Variants in COL27A1 observed in about 807,000 individuals in gnomAD.
COL27A1 encodes the protein collagen type XXVII alpha 1 chain, also known as collagen alpha-1(XXVII) chain.
A neutral mutation model predicts 251.3 loss-of-function variants in COL27A1; 106 were observed. The observed-to-expected ratio is 0.42, with a 90% CI of 0.36 to 0.50. The LOEUF is 0.50. Among genes scored for constraint, COL27A1 ranks in the 20% least tolerant of loss-of-function variants. The probability of loss-of-function intolerance (pLI) is 0.00; values close to 1 mark genes in which losing one functional copy is unlikely to be tolerated. For missense variants in COL27A1, 2,325 were observed against 2,522.8 expected (o/e 0.92, Z 1.68); for synonymous variants, 1,000 against 986.3 (o/e 1.01, Z -0.26).
At position 114,193,262 on chromosome 9, in the gene COL27A1, T is replaced by C. The variant is rs538404753; in HGVS notation, c.2017-1142T>C. ...TTCCACAGGGCTGTTTCCTGAGTCATCTGATCAGGTTTGGCCAAAGGAGAG... is the reference window on the plus strand; with the variant it reads ...TTCCACAGGGCTGTTTCCTGAGTCACCTGATCAGGTTTGGCCAAAGGAGAG... On this transcript the variant is annotated intron_variant, in intron 5 of 60. Coordinates refer to ENST00000356083, the MANE Select transcript of COL27A1 (RefSeq NM_032888.4). Among the ~76,000 whole-genome samples, 5 of 152,250 alleles carry C rather than the reference T, an allele frequency of 3.3e-5. No individual in the cohort carries two copies. The South Asian group carries it at 1.0e-3, about 32-fold the overall frequency.
At chr9:114,208,164 G>A (rs899795161) in intron 10 of COL27A1, among the ~76,000 whole-genome samples, 34 of 151,696 alleles carry the variant, frequency 2.2e-4, no homozygotes, top group East Asian at 3.9e-4. Context: ...AGGGCTGGGC[G>A]CGGTGGCTCG....
chr9:114,174,240 A>T (rs993936932), intron 3 of COL27A1, among the ~76,000 whole-genome samples: 2 of 151,972 alleles, frequency 1.3e-5, no homozygotes, highest in Non-Finnish European at 2.9e-5. Context: ...CACTGGGGAG[A>T]GTTAAAGGAA....
At chr9:114,159,341 ATG>A (rs984477851) in intron 1 of COL27A1, among the ~76,000 whole-genome samples, 12 of 152,324 alleles carry the variant, frequency 7.9e-5, no homozygotes, top group African/African-American at 2.9e-4. Flanking sequence ...CGAGAAGGAC[ATG>A]TGTCGTTTTT....
Position 114,284,749 on chromosome 9 carries a change from TTGGACCTCC to T in COL27A1, c.3966_3974del (p.Pro1323_Pro1325del). 6.2e-7 allele frequency: 1 copy of T among 1,614,206 alleles called. No homozygotes were observed. The highest frequency in any genetic ancestry group is 8.5e-7 in the Non-Finnish European group (1 of 1,180,020). On this transcript the variant is annotated inframe_deletion, in exon 41 of 61. Transcript: ENST00000356083. The stretch of plus-strand genomic sequence containing the variant: ...GGACACAAAGGCATTGTGGGACCCC[TTGGACCTCC>T]TGGACCAAAAGGCGAAAAGGTGGGT...
intron 59 of COL27A1, 26 bp from the exon 60 acceptor site, chr9:114,309,234 C>G (rs200888353): frequency 1.2e-6 from 2 of 1,605,144 alleles, no homozygotes; most frequent in Non-Finnish European, 1.7e-6. Flanking sequence ...CAGCCTGAGC[C>G]GCTCACTGCC....
chr9:114,265,615 T>C, intron 32 of COL27A1, 140 bp downstream of exon 32: 2 of 759,302 alleles, frequency 2.6e-6, no homozygotes, highest in Non-Finnish European at 4.3e-6. Context: ...TTGGGGTTGG[T>C]GGCGAGCACT....
At position 114,290,518 on chromosome 9, in the gene COL27A1, GTC is replaced by G. The variant is rs1358042587; in HGVS notation, c.4368+192_4368+193del. On this transcript the variant is annotated intron_variant, in intron 47 of 60. Coordinates refer to ENST00000356083, the MANE Select transcript of COL27A1 (RefSeq NM_032888.4). The surrounding 1 kb of genome is among the most constrained non-coding windows in gnomAD (Gnocchi z 4.6). ...ACCTGGGAGTGTGGACCTTCTGACT[GTC>G]TCTCCTGGATGCCAGCACCCAGAAA... 1.3e-5 allele frequency among the ~76,000 whole-genome samples: 2 copies of G among 152,130 alleles called. No homozygotes were observed. The highest frequency in any genetic ancestry group is 2.9e-5 in the Non-Finnish European group (2 of 68,006).
chr9:114,157,590 AT>A (rs902275592), intron 1 of COL27A1, among the ~76,000 whole-genome samples: 1 of 152,034 alleles, frequency 6.6e-6, no homozygotes, highest in Non-Finnish European at 1.5e-5. Flanking sequence ...CTTTGTTGGC[AT>A]TTTCTCTCCT....
chr9:114,266,302 TAGG>T (rs1564546309), intron 32 of COL27A1, among the ~76,000 whole-genome samples: 1 of 151,872 alleles, frequency 6.6e-6, no homozygotes, highest in Non-Finnish European at 1.5e-5. Context: ...ACTCAAGAGC[TAGG>T]AGGTTTCTGA....
At chr9:114,209,403 C>T (rs1417349759) in intron 10 of COL27A1, 2 of 728,058 alleles carry the variant, frequency 2.7e-6, no homozygotes, top group Non-Finnish European at 2.6e-6. Flanking sequence ...TGGCGTGGGG[C>T]GGGCCTCCTG....
intron 27 of COL27A1, among the ~76,000 whole-genome samples, chr9:114,257,086 G>A (rs1196631963): frequency 6.6e-6 from 1 of 152,170 alleles, no homozygotes; most frequent in African/African-American, 2.4e-5. Context: ...AGCAGCTGTT[G>A]GAGGGTCTGC....
At position 114,310,749 on chromosome 9, in the gene COL27A1, A is replaced by G; in HGVS notation, c.*54A>G. ...CACGGAGGAGGGAAGAGGAAGAGGC[A>G]AGGGGAGGGTACTGAGGGGCAGATG... On this transcript the variant is annotated 3_prime_UTR_variant, in exon 61 of 61. Transcript: ENST00000356083. 6.2e-7 allele frequency: 1 copy of G among 1,601,558 alleles called. No individual in the cohort carries two copies. The highest frequency in any genetic ancestry group is 1.1e-5 in the South Asian group (1 of 90,550).
intron 33 of COL27A1, 41 bp downstream of exon 33, chr9:114,266,659 G>A: frequency 2.6e-6 from 4 of 1,561,194 alleles, no homozygotes; most frequent in Non-Finnish European, 3.5e-6. Context: ...GATGCTGCTG[G>A]GGATGTATCA....
intron 14 of COL27A1, among the ~76,000 whole-genome samples, chr9:114,224,439 A>G (rs1458528996): frequency 1.3e-5 from 2 of 152,096 alleles, no homozygotes; most frequent in African/African-American, 2.4e-5. Context: ...TGTGCTTCCC[A>G]GGGCTCCTTC....
In COL27A1 at chr9:114,209,702, G is replaced by C; in HGVS notation, c.2296G>C (p.Gly766Arg). Reference protein sequence around the residue: ...RGYIGLPGLFGLPGSDGERGL... With the variant: ...RGYIGLPGLFRLPGSDGERGL... ...CTACATTGGGCTCCCAGGGCTCTTC[G>C]GCCTGCCAGGGTCTGATGGAGAACG... Residue 766 changes from glycine to arginine, a missense_variant, in exon 11 of 61, where the codon GGC (glycine) becomes CGC (arginine). By Grantham distance (125) the Gly-to-Arg change is moderately radical. Around this residue, in one of 4 missense-constraint regions of COL27A1, gnomAD observed 1,183 missense variants for 1,144.1 expected, o/e 1.03. Transcript: ENST00000356083. 6.2e-7 allele frequency: 1 copy of C among 1,614,070 alleles called. No individual in the cohort carries two copies. Among genetic ancestry groups the C allele is most frequent in the Non-Finnish European group, 8.5e-7 (1 of 1,180,000 alleles).
At chr9:114,209,788 A>G in intron 11 of COL27A1, 60 bp downstream of exon 11, 3 of 1,527,560 alleles carry the variant, frequency 2.0e-6, no homozygotes, top group Non-Finnish European at 2.7e-6. Flanking sequence ...ACAGAGCAGA[A>G]CCTGCCAGGC....
At chr9:114,288,422 C>A in intron 41 of COL27A1, 33 bp from the exon 42 acceptor site, 2 of 1,603,398 alleles carry the variant, frequency 1.2e-6, no homozygotes, top group Non-Finnish European at 1.7e-6. Context: ...CAGGAGCAGG[C>A]GGTTTGCCCT....
At chr9:114,301,658 A>C (rs766895012) in intron 54 of COL27A1, 24 bp from the exon 55 acceptor site, 1 of 1,596,170 alleles carries the variant, frequency 6.3e-7, no homozygotes, top group East Asian at 2.2e-5. Context: ...ACCAGGGCTC[A>C]CTCTTCTTCT....
At chr9:114,300,004 C>T in intron 49 of COL27A1, 66 bp from the exon 50 acceptor site, 1 of 1,525,402 alleles carries the variant, frequency 6.6e-7, no homozygotes, top group Non-Finnish European at 9.1e-7. Flanking sequence ...CCTGAGGTCC[C>T]AGGTGGCTGG....
Sources: gnomAD v4.1 joint callset for allele counts (sites outside exome capture counted in the v4.1 genomes callset) on GRCh38, gnomAD v4.1.1 for gene constraint, gnomAD v4.1.1 regional missense constraint, Gnocchi (gnomAD v3.1) non-coding constraint, MANE v1.5 for transcripts, NCBI Gene and HGNC (gene_info 2026-07-23, HGNC 2026-07-21) for gene names.